Variants in WWOX observed in about 807,000 individuals in gnomAD.
WWOX encodes WW domain-containing oxidoreductase.
A neutral mutation model predicts 46.2 loss-of-function variants in WWOX; 69 were observed. That is an observed-to-expected ratio of 1.49 (90% confidence interval 1.23 to 1.82). WWOX has a LOEUF of 1.82. WWOX is among the 40% of genes most tolerant of loss of function. WWOX has a pLI of 0.00. For synonymous variants in WWOX, 359 were observed against 202.6 expected, an observed-to-expected ratio of 1.77 and a Z score of -6.56; for missense variants, 919 against 542.6, an observed-to-expected ratio of 1.69 and a Z score of -6.89.
chr16:79,060,702 A>G (rs1026711000), intron 8 of WWOX, among the ~76,000 whole-genome samples: 2 of 152,218 alleles, frequency 1.3e-5, no homozygotes, highest in African/African-American at 4.8e-5. Context: ...TCTTTGTTTA[A>G]TGTAACCAAT....
At chr16:78,981,548 C>G (rs2046683105) in intron 8 of WWOX, among the ~76,000 whole-genome samples, 1 of 151,942 alleles carries the variant, frequency 6.6e-6, no homozygotes, top group Admixed American at 6.6e-5. Flanking sequence ...GGTGATTCTC[C>G]TGCCTCAGCC....
intron 4 of WWOX, among the ~76,000 whole-genome samples, chr16:78,127,725 G>T (rs989229815): frequency 1.3e-5 from 2 of 152,186 alleles, no homozygotes. Flanking sequence ...ACTGCCTGGT[G>T]TATTAAGTAG....
At chr16:79,166,013 T>A (rs2150759041) in intron 8 of WWOX, among the ~76,000 whole-genome samples, 1 of 152,352 alleles carries the variant, frequency 6.6e-6, no homozygotes, top group South Asian at 2.1e-4. Flanking sequence ...GTCATTTTCA[T>A]AACTATCTGC....
At chr16:78,297,984 C>G (rs2079969102) in intron 5 of WWOX, among the ~76,000 whole-genome samples, 1 of 152,100 alleles carries the variant, frequency 6.6e-6, no homozygotes, top group South Asian at 2.1e-4. Flanking sequence ...AGACCGTTCC[C>G]CCGTGCTGTG....
intron 8 of WWOX, among the ~76,000 whole-genome samples, chr16:78,821,660 G>T (rs535334681): frequency 2.8e-4 from 42 of 152,132 alleles, no homozygotes; most frequent in Middle Eastern, 3.2e-3. Flanking sequence ...TGAGGCATGT[G>T]GTCGTTCACA....
intron 8 of WWOX, among the ~76,000 whole-genome samples, chr16:78,468,669 T>C (rs2084144742): frequency 2.0e-5 from 3 of 152,192 alleles, no homozygotes; most frequent in Admixed American, 6.5e-5. Context: ...TTCATGGACC[T>C]AGCCTACGTT....
chr16:78,435,375 G>C (rs1349840064), intron 8 of WWOX, among the ~76,000 whole-genome samples: 1 of 152,192 alleles, frequency 6.6e-6, no homozygotes, highest in East Asian at 1.9e-4. Flanking sequence ...CCTGGCAGGA[G>C]AGCTCAGAGA....
At chr16:78,336,727 A>G (rs1182468932) in intron 5 of WWOX, among the ~76,000 whole-genome samples, 5 of 152,096 alleles carry the variant, frequency 3.3e-5, no homozygotes, top group Non-Finnish European at 7.4e-5. Context: ...ATTAGAGGCT[A>G]AAAGTTTTGG....
At chr16:78,463,966 C>T (rs1346164595) in intron 8 of WWOX, among the ~76,000 whole-genome samples, 1 of 152,076 alleles carries the variant, frequency 6.6e-6, no homozygotes, top group Non-Finnish European at 1.5e-5. Context: ...GAGTCTTTCT[C>T]CAAGGGAACA....
intron 8 of WWOX, among the ~76,000 whole-genome samples, chr16:78,866,829 A>C (rs1438216001): frequency 6.6e-6 from 1 of 152,186 alleles, no homozygotes; most frequent in East Asian, 1.9e-4. Flanking sequence ...TGGCCTTTCC[A>C]GTTTTTCTTA....
chr16:78,635,853 T>C (rs1251395085), intron 8 of WWOX, among the ~76,000 whole-genome samples: 1 of 152,054 alleles, frequency 6.6e-6, no homozygotes, highest in Non-Finnish European at 1.5e-5. Flanking sequence ...GCAGATATCA[T>C]TGGTGGCCAT....
intron 8 of WWOX, among the ~76,000 whole-genome samples, chr16:78,575,005 A>ATATATATATATAAATATATATATATATT (rs2044818863): frequency 7.3e-5 from 1 of 13,776 alleles, no homozygotes; most frequent in African/African-American, 3.9e-4. Context: ...TCAATTATAT[A>ATATATATATATAAATATATATATATATT]TATATATATA....
At chr16:78,632,030 T>G (rs34656874) in intron 8 of WWOX, among the ~76,000 whole-genome samples, 3 of 139,180 alleles carry the variant, frequency 2.2e-5, no homozygotes, top group Admixed American at 1.4e-4. Flanking sequence ...CCCAATTTTT[T>G]CTTAAAAAAA....
intron 8 of WWOX, among the ~76,000 whole-genome samples, chr16:78,573,524 C>T (rs953361604): frequency 3.3e-5 from 5 of 152,208 alleles, no homozygotes; most frequent in Non-Finnish European, 7.4e-5. Flanking sequence ...TGTCACATCA[C>T]TCCTCTGCTC....
chr16:78,744,645 T>G (rs1179626684), intron 8 of WWOX, among the ~76,000 whole-genome samples: 1 of 152,042 alleles, frequency 6.6e-6, no homozygotes, highest in Non-Finnish European at 1.5e-5. Context: ...TTGGCCAGGC[T>G]AGTCTTGAAT....
At chr16:78,651,054 A>G (rs1030860577) in intron 8 of WWOX, among the ~76,000 whole-genome samples, 1 of 152,230 alleles carries the variant, frequency 6.6e-6, no homozygotes, top group Non-Finnish European at 1.5e-5. Flanking sequence ...TGCTGAAGCC[A>G]TTGCCCATCT....
intron 8 of WWOX, among the ~76,000 whole-genome samples, chr16:78,775,781 A>C (rs1293134162): frequency 6.6e-6 from 1 of 152,222 alleles, no homozygotes; most frequent in East Asian, 1.9e-4. Flanking sequence ...TCCTTTAGCC[A>C]ATGGAGCAGT....
At chr16:79,037,942 A>G (rs1025965151) in intron 8 of WWOX, among the ~76,000 whole-genome samples, 1 of 151,992 alleles carries the variant, frequency 6.6e-6, no homozygotes, top group South Asian at 2.1e-4. Context: ...TCACACTCGC[A>G]TTTCTTTTCT....
chr16:79,020,163 A>G (rs1329121659), intron 8 of WWOX, among the ~76,000 whole-genome samples: 2 of 152,166 alleles, frequency 1.3e-5, no homozygotes, highest in Non-Finnish European at 2.9e-5. Flanking sequence ...GAAACAGTCA[A>G]AGGAGGAAGG....
Sources: allele counts gnomAD v4.1 joint callset (sites outside exome capture counted in the v4.1 genomes callset), GRCh38; gene constraint gnomAD v4.1.1; transcripts MANE v1.5; gene names NCBI Gene and HGNC (gene_info 2026-07-23, HGNC 2026-07-21).